The following NFIB variants were observed in gnomAD, a reference collection of about 807,000 sequenced individuals.
The protein encoded by NFIB is nuclear factor I B.
In NFIB, 11 loss-of-function variants were observed where a neutral mutation model predicts 61.5. The ratio of observed to expected loss-of-function variants is 0.18; its 90% CI spans 0.11 to 0.30. The LOEUF (loss-of-function observed/expected upper bound fraction) is 0.30, where lower values mean the gene tolerates loss of function less well. Ranked by LOEUF, NFIB falls within the 10% of genes least tolerant of loss-of-function variation. The pLI, the probability that NFIB is intolerant of heterozygous loss-of-function variation, is 1.00. For missense variants in NFIB, 471 were observed against 608.9 expected, an observed-to-expected ratio of 0.77 and a Z score of 2.38; for synonymous variants, 260 against 216.5, an observed-to-expected ratio of 1.20 and a Z score of -1.76.
intron 1 of NFIB, among the ~76,000 whole-genome samples, chr9:14,391,261 G>A (rs2061616293): frequency 6.6e-6 from 1 of 152,066 alleles, no homozygotes; most frequent in Non-Finnish European, 1.5e-5. Context: ...TTTATATGAT[G>A]TGATGGACAC....
chr9:14,204,191 G>T, intron 2 of NFIB: 1 of 532,092 alleles, frequency 1.9e-6, no homozygotes, highest in Non-Finnish European at 3.3e-6. Context: ...CCTTTCTATG[G>T]CACAGGCCTC....
chr9:14,115,270 G>A (rs1049413443), intron 9 of NFIB, among the ~76,000 whole-genome samples: 1 of 147,674 alleles, frequency 6.8e-6, no homozygotes, highest in Non-Finnish European at 1.5e-5. Context: ...CAAGATCATG[G>A]GGATTTTCTT....
Position 14,120,532 on chromosome 9 carries a change from G to T in NFIB, c.1153C>A (p.Pro385Thr). 6.2e-7 allele frequency: 1 copy of T among 1,614,110 alleles called. No individual in the cohort carries two copies. Among genetic ancestry groups the T allele is most frequent in the South Asian group, 1.1e-5 (1 of 91,062 alleles). Residue 385 changes from proline to threonine, a missense_variant, in exon 8 of 11, where the codon CCA becomes ACA. Pro to Thr is a conservative substitution (Grantham distance 38). Coordinates refer to ENST00000380953, the MANE Select transcript of NFIB (RefSeq NM_001190737.2). The surrounding 1 kb of genome is among the most constrained non-coding windows in gnomAD (Gnocchi z 4.4). Reference protein sequence around the residue: ...PPAPSSYFSHPTIRYPPHLNP... With the variant: ...PPAPSSYFSHTTIRYPPHLNP... ...AGGTGGGGAGGATATCTGATTGTTGGATGAGAAAAGTAGCTCGATGGGGCT... is the reference window on the plus strand; with the variant it reads ...AGGTGGGGAGGATATCTGATTGTTGTATGAGAAAAGTAGCTCGATGGGGCT...
intron 6 of NFIB, among the ~76,000 whole-genome samples, chr9:14,139,472 C>A (rs1309390772): frequency 6.6e-6 from 1 of 152,116 alleles, no homozygotes; most frequent in Non-Finnish European, 1.5e-5. Context: ...ACATTATCTC[C>A]CATGGGTTTC....
rs775377230 is a variant in NFIB at position 14,120,568 on chromosome 9, T to C, written c.1117A>G (p.Ile373Val). ...TAGCTCGATGGGGCTGGAGGAAGGA[T>C]AGCTTGTGTTGGAAATGGCAACGGT... is the stretch of plus-strand genomic sequence containing the variant. ...PSPLPFPTQA[I>V]LPPAPSSYFS... Residue 373 changes from isoleucine (I) to valine (V), a missense_variant, in exon 8 of 11, where the codon ATC becomes GTC. Ile to Val is a conservative substitution (Grantham distance 29). Transcript: ENST00000380953. This position sits in a 1 kb window ranked among gnomAD's most constrained non-coding sequence, Gnocchi z 4.4. The C allele has an allele frequency of 3.7e-6, 6 of 1,613,734 alleles. No homozygotes were observed. The highest frequency in any genetic ancestry group is 5.1e-6 in the Non-Finnish European group (6 of 1,179,868).
chr9:14,363,360 G>A (rs148583223), intron 1 of NFIB, among the ~76,000 whole-genome samples: 1 of 152,118 alleles, frequency 6.6e-6, no homozygotes, highest in East Asian at 1.9e-4. Flanking sequence ...ACTCTACTGT[G>A]GGCTAATTAT....
intron 2 of NFIB, among the ~76,000 whole-genome samples, chr9:14,247,382 T>A (rs1052207901): frequency 7.2e-5 from 11 of 152,242 alleles, no homozygotes; most frequent in African/African-American, 2.2e-4. Context: ...CATCCAATAA[T>A]GCAGGGAGAG....
At chr9:14,114,716 T>C (rs2037871398) in intron 9 of NFIB, among the ~76,000 whole-genome samples, 1 of 152,214 alleles carries the variant, frequency 6.6e-6, no homozygotes, top group Non-Finnish European at 1.5e-5. Context: ...TGTGATCATT[T>C]GGGTCTGATC....
intron 1 of NFIB, among the ~76,000 whole-genome samples, chr9:14,344,223 G>A: frequency 6.6e-6 from 1 of 151,988 alleles, no homozygotes; most frequent in East Asian, 1.9e-4. Flanking sequence ...GACCCCAAGA[G>A]AGGCACACAC....
chr9:14,496,041 G>C, the NFIB span, among the ~76,000 whole-genome samples: 1 of 152,292 alleles, frequency 6.6e-6, no homozygotes, highest in South Asian at 2.1e-4. Flanking sequence ...AGATATAAAT[G>C]AGACTATATG....
At chr9:14,143,714 G>C (rs1325547915) in intron 6 of NFIB, among the ~76,000 whole-genome samples, 1 of 152,126 alleles carries the variant, frequency 6.6e-6, no homozygotes. Flanking sequence ...TCAATGACTG[G>C]AGTGGCACTC....
At chr9:14,117,653 A>T (rs2038337326) in intron 8 of NFIB, among the ~76,000 whole-genome samples, 1 of 152,186 alleles carries the variant, frequency 6.6e-6, no homozygotes, top group Non-Finnish European at 1.5e-5. Flanking sequence ...CACATTATTT[A>T]TTCTATAAAG....
chr9:14,294,059 G>C (rs1029760331), intron 2 of NFIB, among the ~76,000 whole-genome samples: 1 of 152,132 alleles, frequency 6.6e-6, no homozygotes, highest in East Asian at 1.9e-4. Context: ...TATATTATAC[G>C]AATGTTGGAC....
intron 2 of NFIB, among the ~76,000 whole-genome samples, chr9:14,210,230 T>A (rs915339093): frequency 6.6e-6 from 1 of 152,282 alleles, no homozygotes; most frequent in African/African-American, 2.4e-5. Flanking sequence ...AAAACTTGAA[T>A]GAAACTAAAT....
At chr9:14,253,161 C>G (rs749742697) in intron 2 of NFIB, among the ~76,000 whole-genome samples, 1 of 152,206 alleles carries the variant, frequency 6.6e-6, no homozygotes, top group Non-Finnish European at 1.5e-5. Flanking sequence ...AGTTAGTGTT[C>G]CCTGATGGTT....
At chr9:14,213,011 A>T (rs188692552) in intron 2 of NFIB, among the ~76,000 whole-genome samples, 1 of 152,372 alleles carries the variant, frequency 6.6e-6, no homozygotes, top group Non-Finnish European at 1.5e-5. Flanking sequence ...TATGCATCAC[A>T]TATAAAATGT....
intron 2 of NFIB, among the ~76,000 whole-genome samples, chr9:14,219,015 C>G (rs1300805531): frequency 6.6e-6 from 1 of 152,150 alleles, no homozygotes; most frequent in Non-Finnish European, 1.5e-5. Context: ...TTGCCTCATT[C>G]TCCTGCTGCA....
At chr9:14,514,745 C>T in the NFIB span, among the ~76,000 whole-genome samples, 15 of 152,002 alleles carry the variant, frequency 9.9e-5, no homozygotes, top group Admixed American at 2.0e-4. Context: ...TTTTAGGACA[C>T]GAATTCTCAG....
At chr9:14,259,594 G>T (rs1057332546) in intron 2 of NFIB, among the ~76,000 whole-genome samples, 2 of 152,128 alleles carry the variant, frequency 1.3e-5, no homozygotes, top group Non-Finnish European at 2.9e-5. Flanking sequence ...ATGTTGGCAG[G>T]ATCTTCTGTT....
Sources: gnomAD v4.1 joint callset for allele counts (sites outside exome capture counted in the v4.1 genomes callset) on GRCh38, gnomAD v4.1.1 for gene constraint, Gnocchi (gnomAD v3.1) non-coding constraint, MANE v1.5 for transcripts, NCBI Gene and HGNC (gene_info 2026-07-23, HGNC 2026-07-21) for gene names.